The following ZBBX variants were observed in gnomAD, a reference collection of about 807,000 sequenced individuals.
ZBBX encodes zinc finger B-box domain-containing protein 1.
Under a neutral mutation model 108.5 loss-of-function variants are expected in ZBBX, and 101 were observed. The observed-to-expected ratio is 0.93, with a 90% CI of 0.79 to 1.10. The LOEUF is 1.10. ZBBX is among the 50% of genes least tolerant of loss of function. The pLI is 0.00. For missense variants in ZBBX, 1,009 were observed against 941.4 expected (o/e 1.07, Z -0.94); for synonymous variants, 356 against 323.4 (o/e 1.10, Z -1.08).
At chr3:167,235,797 T>C (rs1221199869), downstream of ZBBX, among the ~76,000 whole-genome samples, 1 of 151,508 alleles carries the variant, frequency 6.6e-6, no homozygotes, top group Non-Finnish European at 1.5e-5. Context: ...AGTTCATCTA[T>C]GCTGCCGGTT....
At chr3:167,365,011 CTCCTT>C (rs1745114496) in intron 6 of ZBBX, among the ~76,000 whole-genome samples, 1 of 151,712 alleles carries the variant, frequency 6.6e-6, no homozygotes, top group South Asian at 2.1e-4. Flanking sequence ...TTAATTCAGC[CTCCTT>C]TCATCTGACC....
At chr3:167,358,091 A>G (rs1743887589) in intron 8 of ZBBX, among the ~76,000 whole-genome samples, 1 of 151,848 alleles carries the variant, frequency 6.6e-6, no homozygotes, top group African/African-American at 2.4e-5. Context: ...TGGGTGCAGC[A>G]CACCAGCATG....
chr3:167,289,500 C>G (rs951549559), intron 18 of ZBBX, among the ~76,000 whole-genome samples: 3 of 152,306 alleles, frequency 2.0e-5, no homozygotes, highest in Admixed American at 1.3e-4. Flanking sequence ...TCACCTTACC[C>G]AGGAAGGAAA....
At chr3:167,362,084 A>G (rs570490481) in intron 6 of ZBBX, among the ~76,000 whole-genome samples, 2 of 152,280 alleles carry the variant, frequency 1.3e-5, no homozygotes, top group Non-Finnish European at 2.9e-5. Flanking sequence ...TGTTAGGGAA[A>G]GGGTTGGAGG....
At chr3:167,353,374 G>A (rs147828290) in intron 8 of ZBBX, among the ~76,000 whole-genome samples, 9 of 152,168 alleles carry the variant, frequency 5.9e-5, no homozygotes, top group Non-Finnish European at 1.2e-4. Flanking sequence ...ATTATCCTAA[G>A]TGAAATAACT....
chr3:167,374,868 T>C (rs1161110192), intron 2 of ZBBX, among the ~76,000 whole-genome samples: 1 of 152,118 alleles, frequency 6.6e-6, no homozygotes, highest in Non-Finnish European at 1.5e-5. Flanking sequence ...AAGATATGGA[T>C]TAGATGAACA....
At chr3:167,191,995 T>C in the ZBBX span, among the ~76,000 whole-genome samples, 1 of 143,912 alleles carries the variant, frequency 6.9e-6, no homozygotes, top group Non-Finnish European at 1.5e-5. Flanking sequence ...ACCTCTTCAT[T>C]TTATCTCAAT....
At chr3:167,279,044 C>T (rs891779388) in intron 20 of ZBBX, among the ~76,000 whole-genome samples, 13 of 151,764 alleles carry the variant, frequency 8.6e-5, no homozygotes, top group Non-Finnish European at 1.5e-4. Context: ...TTGACAAAAT[C>T]CAACAACCCT....
At chr3:167,310,830 C>G (rs1306375824) in intron 16 of ZBBX, among the ~76,000 whole-genome samples, 1 of 152,138 alleles carries the variant, frequency 6.6e-6, no homozygotes, top group Non-Finnish European at 1.5e-5. Flanking sequence ...TCTACAAATT[C>G]TGATTAAAGA....
chr3:167,349,122 G>C (rs868275783), intron 9 of ZBBX, among the ~76,000 whole-genome samples: 1 of 152,184 alleles, frequency 6.6e-6, no homozygotes, highest in African/African-American at 2.4e-5. Flanking sequence ...ATGGAGCCAT[G>C]TCTCATTGTT....
chr3:167,377,078 C>A (rs1053256359), intron 2 of ZBBX, among the ~76,000 whole-genome samples: 1 of 152,096 alleles, frequency 6.6e-6, no homozygotes, highest in East Asian at 1.9e-4. Context: ...GGAAAAATTT[C>A]TAGTTACCTG....
At chr3:167,275,302 C>T (rs912240462) in intron 20 of ZBBX, among the ~76,000 whole-genome samples, 16 of 152,040 alleles carry the variant, frequency 1.1e-4, no homozygotes, top group Admixed American at 2.0e-4. Context: ...GGAACAGCTC[C>T]GGTCTACAGC....
chr3:167,349,379 T>C (rs1213671220), intron 9 of ZBBX, among the ~76,000 whole-genome samples: 7 of 152,096 alleles, frequency 4.6e-5, no homozygotes, highest in African/African-American at 1.7e-4. Context: ...TGTAATACCA[T>C]GAGAGAGAGA....
rs1484687862 is a variant in ZBBX at position 167,350,453 on chromosome 3, C to T, written c.495G>A (p.Gly165=). The stretch of plus-strand genomic sequence containing the variant: ...GAGTTGTTCTGTGGAGCTTTAGTGC[C>T]CCTTTCTGGTGAACTTTAGCAAAGC... ...SGCFAKVHQK[G]ALKLHRTTLL... is the part of the protein sequence containing the mutation. Residue 165 remains glycine (G), a synonymous_variant, in exon 9 of 22, where the codon GGG becomes GGA. Coordinates refer to ENST00000675490, the MANE Select transcript of ZBBX (RefSeq NM_001199201.2). 4.4e-6 allele frequency: 7 copies of T among 1,596,596 alleles called. No individual in the cohort carries two copies. The highest frequency in any genetic ancestry group is 6.0e-6 in the Non-Finnish European group (7 of 1,169,114).
intron 9 of ZBBX, among the ~76,000 whole-genome samples, chr3:167,346,854 T>A (rs1741550336): frequency 6.6e-6 from 1 of 151,584 alleles, no homozygotes. Context: ...GCATGTTGAC[T>A]GAAAAAAGAA....
intron 18 of ZBBX, among the ~76,000 whole-genome samples, chr3:167,295,394 C>T (rs1485979696): frequency 1.3e-5 from 2 of 151,976 alleles, no homozygotes; most frequent in African/African-American, 2.4e-5. Context: ...TTTGCAGAGA[C>T]ATGGATGACA....
chr3:167,358,912 G>T (rs1744048290), intron 8 of ZBBX, among the ~76,000 whole-genome samples: 1 of 120,544 alleles, frequency 8.3e-6, no homozygotes, highest in Admixed American at 1.1e-4. Flanking sequence ...CTCCAGCCTG[G>T]GCAACAGAGC....
intron 18 of ZBBX, among the ~76,000 whole-genome samples, chr3:167,295,689 C>A (rs1731522081): frequency 9.6e-6 from 1 of 104,146 alleles, no homozygotes; most frequent in Non-Finnish European, 1.9e-5. Flanking sequence ...AAAAAAAAAT[C>A]ATGAAGAAAC....
chr3:167,391,733 G>T (rs1213062701), intron 1 of ZBBX, among the ~76,000 whole-genome samples: 1 of 151,574 alleles, frequency 6.6e-6, no homozygotes, highest in African/African-American at 2.4e-5. Context: ...AATTTATTCA[G>T]ATATATATAC....
Sources: gnomAD v4.1 joint callset for allele counts (sites outside exome capture counted in the v4.1 genomes callset) on GRCh38, gnomAD v4.1.1 for gene constraint, MANE v1.5 for transcripts, NCBI Gene and HGNC (gene_info 2026-07-23, HGNC 2026-07-21) for gene names.